FARS2: variants seen among roughly 807,000 people sequenced by gnomAD.
FARS2 encodes phenylalanine--tRNA ligase, mitochondrial.
Under a neutral mutation model 46.4 loss-of-function variants are expected in FARS2, and 40 were observed. The observed-to-expected ratio is 0.86, with a 90% CI of 0.67 to 1.12. FARS2 has a LOEUF of 1.12. FARS2 is among the 50% of genes most tolerant of loss of function. The pLI is 0.00. For missense variants in FARS2, 513 were observed against 567.9 expected, an observed-to-expected ratio of 0.90 and a Z score of 0.98; for synonymous variants, 234 against 214.9, an observed-to-expected ratio of 1.09 and a Z score of -0.78.
At chr6:5,304,551 A>G (rs1308556810) in intron 1 of FARS2, among the ~76,000 whole-genome samples, 1 of 152,200 alleles carries the variant, frequency 6.6e-6, no homozygotes, top group Non-Finnish European at 1.5e-5. Flanking sequence ...GGCAATTCAC[A>G]ATGCCACCAC....
intron 6 of FARS2, among the ~76,000 whole-genome samples, chr6:5,621,017 AAAT>A (rs1322514425): frequency 6.6e-6 from 1 of 152,238 alleles, no homozygotes; most frequent in Non-Finnish European, 1.5e-5. Context: ...GATGTGCCAT[AAAT>A]ACATTTGCCA....
chr6:5,741,310 C>T (rs980016697), intron 6 of FARS2, among the ~76,000 whole-genome samples: 4 of 152,322 alleles, frequency 2.6e-5, no homozygotes, highest in Admixed American at 2.6e-4. Context: ...GGGAGATGCA[C>T]AGGGCGTGTG....
At chr6:5,292,069 G>A (rs1032666156) in intron 1 of FARS2, among the ~76,000 whole-genome samples, 6 of 152,146 alleles carry the variant, frequency 3.9e-5, no homozygotes, top group Non-Finnish European at 7.4e-5. Context: ...TTCTCGGAGT[G>A]GGGGTTGTCA....
chr6:5,761,661 A>G (rs1762481812), intron 6 of FARS2, among the ~76,000 whole-genome samples: 1 of 152,192 alleles, frequency 6.6e-6, no homozygotes, highest in South Asian at 2.1e-4. Flanking sequence ...CACACAAACG[A>G]AAAGCACAGG....
chr6:5,400,290 A>G (rs1387992750), intron 2 of FARS2, among the ~76,000 whole-genome samples: 1 of 151,532 alleles, frequency 6.6e-6, no homozygotes, highest in East Asian at 1.9e-4. Context: ...TTCTTTTTCT[A>G]TGGAGTTTTT....
intron 1 of FARS2, among the ~76,000 whole-genome samples, chr6:5,319,130 C>T (rs1325619169): frequency 2.0e-5 from 3 of 152,030 alleles, no homozygotes; most frequent in African/African-American, 7.3e-5. Context: ...CCAGGAATGT[C>T]AGGTGACCAT....
At chr6:5,655,670 A>C (rs1224210055) in intron 6 of FARS2, among the ~76,000 whole-genome samples, 1 of 152,052 alleles carries the variant, frequency 6.6e-6, no homozygotes, top group Non-Finnish European at 1.5e-5. Context: ...TGTTGTGTCC[A>C]CCCAGACAAT....
At chr6:5,500,594 G>T (rs1767733697) in intron 4 of FARS2, among the ~76,000 whole-genome samples, 1 of 152,200 alleles carries the variant, frequency 6.6e-6, no homozygotes, top group Admixed American at 6.5e-5. Context: ...AGGCCTGTCT[G>T]GTACCAGGTG....
rs768297019 is a variant in FARS2 at position 5,765,031 on chromosome 6, T to C, written c.1218-6260T>C. On this transcript the variant is annotated intron_variant, in intron 6 of 6. Coordinates refer to ENST00000274680, the MANE Select transcript of FARS2 (RefSeq NM_006567.5). The surrounding 1 kb of genome is among the most constrained non-coding windows in gnomAD (Gnocchi z 4.0). ...TGGGGAGGGACCCCTTTTAAACATT[T>C]ATAGTTTTGAGAATGCTTCACTGAT... Among the ~76,000 whole-genome samples, 8 of 152,206 alleles carry C rather than the reference T, an allele frequency of 5.3e-5. No homozygotes were observed. The highest frequency in any genetic ancestry group is 1.2e-4 in the Non-Finnish European group (8 of 68,038).
At chr6:5,503,742 G>A (rs1451189133) in intron 4 of FARS2, among the ~76,000 whole-genome samples, 1 of 151,980 alleles carries the variant, frequency 6.6e-6, no homozygotes, top group East Asian at 1.9e-4. Context: ...CAGAATGATT[G>A]AACTACAGAT....
intron 5 of FARS2, among the ~76,000 whole-genome samples, chr6:5,579,745 G>A (rs1181161785): frequency 2.6e-5 from 4 of 152,132 alleles, no homozygotes; most frequent in African/African-American, 9.7e-5. Context: ...AGTTATTAAT[G>A]ATTTCTCTAT....
the FARS2 span, among the ~76,000 whole-genome samples, chr6:5,252,150 A>G: frequency 7.2e-4 from 109 of 152,330 alleles, 1 homozygote; most frequent in African/African-American, 2.6e-3. Context: ...CATTTCACCT[A>G]TAAGGAGGAA....
intron 6 of FARS2, among the ~76,000 whole-genome samples, chr6:5,722,188 C>A (rs867766713): frequency 6.6e-6 from 1 of 152,144 alleles, no homozygotes; most frequent in Non-Finnish European, 1.5e-5. Context: ...ACAGTTTTAT[C>A]TACTGTTGCT....
At chr6:5,549,193 T>TA (rs1242282233) in intron 5 of FARS2, among the ~76,000 whole-genome samples, 89 of 149,432 alleles carry the variant, frequency 6.0e-4, no homozygotes, top group African/African-American at 1.8e-3. Flanking sequence ...TTTTTTTTTT[T>TA]AATTATACTT....
chr6:5,527,457 T>C (rs1046824685), intron 4 of FARS2, among the ~76,000 whole-genome samples: 1 of 152,224 alleles, frequency 6.6e-6, no homozygotes, highest in Admixed American at 6.5e-5. Context: ...TAACTCTTGT[T>C]AATAAGGAAT....
At chr6:5,677,191 C>A (rs1778810206) in intron 6 of FARS2, among the ~76,000 whole-genome samples, 1 of 152,008 alleles carries the variant, frequency 6.6e-6, no homozygotes, top group Non-Finnish European at 1.5e-5. Context: ...TTGAGCAAAC[C>A]ATGTGTCTTG....
intron 4 of FARS2, among the ~76,000 whole-genome samples, chr6:5,489,605 T>C (rs1217573641): frequency 1.3e-5 from 2 of 152,330 alleles, no homozygotes; most frequent in East Asian, 3.9e-4. Context: ...CCTTGTAATA[T>C]GCTTCCATCT....
chr6:5,296,052 G>T (rs923913032), intron 1 of FARS2, among the ~76,000 whole-genome samples: 2 of 150,388 alleles, frequency 1.3e-5, no homozygotes, highest in Admixed American at 1.3e-4. Flanking sequence ...TAGGAGGTAG[G>T]TACTATTCTT....
At chr6:5,563,167 G>A (rs1487860049) in intron 5 of FARS2, among the ~76,000 whole-genome samples, 1 of 152,134 alleles carries the variant, frequency 6.6e-6, no homozygotes, top group Non-Finnish European at 1.5e-5. Flanking sequence ...GCTGGAGGAG[G>A]CAGTGTTTGA....
Sources: allele counts gnomAD v4.1 joint callset (sites outside exome capture counted in the v4.1 genomes callset), GRCh38; gene constraint gnomAD v4.1.1; non-coding constraint Gnocchi (gnomAD v3.1); transcripts MANE v1.5; gene names NCBI Gene and HGNC (gene_info 2026-07-23, HGNC 2026-07-21).